RBM39: variants seen among roughly 807,000 people sequenced by gnomAD.
RBM39 encodes RNA binding motif protein 39.
RBM39 carries 12 observed loss-of-function variants against 79.6 expected under a neutral mutation model. The ratio of observed to expected loss-of-function variants is 0.15; its 90% confidence interval spans 0.10 to 0.24. The LOEUF is 0.24. Ranked by LOEUF, RBM39 falls within the 10% of genes least tolerant of loss-of-function variation. The probability of loss-of-function intolerance (pLI) is 1.00; values close to 1 mark genes in which losing one functional copy is unlikely to be tolerated. For missense variants in RBM39, 243 were observed against 653.4 expected (o/e 0.37, Z 6.85); for synonymous variants, 185 against 208.4 (o/e 0.89, Z 0.97).
intron 12 of RBM39, among the ~76,000 whole-genome samples, 196 bp from the exon 13 acceptor site, chr20:35,709,470 T>C (rs2036136072): frequency 6.6e-6 from 1 of 152,132 alleles, no homozygotes; most frequent in Non-Finnish European, 1.5e-5. Context: ...GGAAACTTAC[T>C]TTTCCCTCTC....
At chr20:35,715,655 C>G (rs570635429) in intron 10 of RBM39, among the ~76,000 whole-genome samples, 1 of 152,098 alleles carries the variant, frequency 6.6e-6, no homozygotes, top group Non-Finnish European at 1.5e-5. Flanking sequence ...GCTGGCTGAC[C>G]CCTATATGTA....
chr20:35,741,207 T>C lies in RBM39; in HGVS notation c.-13-320A>G, dbSNP rs6058313. On this transcript the variant is annotated intron_variant, in intron 1 of 16. Coordinates refer to ENST00000253363, the MANE Select transcript of RBM39 (RefSeq NM_184234.3). ...TGCCACCACGCCCGGCTAATTTTTG[T>C]ATTTTTGGTAGAGACGGGGTTTCAC... Among the ~76,000 whole-genome samples the C allele has an allele frequency of 1.6e-3, 244 of 151,364 alleles. 4 individuals are homozygous for C. Among genetic ancestry groups the C allele is most frequent in the African/African-American group, 5.5e-3 (229 of 41,266 alleles).
At chr20:35,712,288 G>GTTC (rs1041823872) in intron 12 of RBM39, among the ~76,000 whole-genome samples, 216 of 151,318 alleles carry the variant, frequency 1.4e-3, no homozygotes, top group African/African-American at 5.1e-3. Flanking sequence ...GGCCAACATG[G>GTTC]TGAAACCCCA....
At chr20:35,715,095 G>A (rs963025636) in intron 10 of RBM39, among the ~76,000 whole-genome samples, 1 of 152,158 alleles carries the variant, frequency 6.6e-6, no homozygotes, top group Non-Finnish European at 1.5e-5. Flanking sequence ...TTGAAATGTA[G>A]ATATAAGCTA....
At chr20:35,740,941 A>G in intron 1 of RBM39, 54 bp from the exon 2 acceptor site, 1 of 1,340,158 alleles carries the variant, frequency 7.5e-7, no homozygotes, top group Non-Finnish European at 1.1e-6. Flanking sequence ...ACAATGTGAA[A>G]CAAGTTTCAC....
chr20:35,732,123 GCTT>G lies in RBM39; in HGVS notation c.111_113del (p.Lys37_Ser38delinsAsn). The G allele has an allele frequency of 6.2e-7, 1 of 1,613,084 alleles. No individual in the cohort carries two copies. On this transcript the variant is annotated inframe_deletion, in exon 4 of 17. Coordinates refer to ENST00000253363, the MANE Select transcript of RBM39 (RefSeq NM_184234.3). ...GTTCATGACTACGACTTCTGCTCTT[GCTT>G]TTTTTCCTCCTGAGAAGAAAAAAAC...
chr20:35,727,047 G>A (rs1045909640), intron 6 of RBM39, among the ~76,000 whole-genome samples: 5 of 151,866 alleles, frequency 3.3e-5, no homozygotes, highest in African/African-American at 1.2e-4. Flanking sequence ...GGCTGGTCTC[G>A]ATATCCTGAC....
chr20:35,727,879 C>T lies in RBM39; in HGVS notation c.416+1433G>A, dbSNP rs571101029. The stretch of plus-strand genomic sequence containing the variant: ...GGCCAGGCTGGTCTTGAACTTCTGA[C>T]CTCAGGTGATCCGCCTGCCTCGGCC... On this transcript the variant is annotated intron_variant, in intron 6 of 16. Transcript: ENST00000253363. Among the ~76,000 whole-genome samples, 38 of 152,170 alleles carry T rather than the reference C, an allele frequency of 2.5e-4. No individual in the cohort carries two copies. In the Middle Eastern group the frequency reaches 0.01, roughly 41 times the overall value.
intron 9 of RBM39, among the ~76,000 whole-genome samples, chr20:35,719,835 T>C (rs1440639920): frequency 1.3e-5 from 2 of 152,166 alleles, no homozygotes; most frequent in African/African-American, 4.8e-5. Flanking sequence ...CTGGCTCTGT[T>C]ATCCAGGCGT....
intron 2 of RBM39, 77 bp from the exon 3 acceptor site, chr20:35,739,094 G>T: frequency 8.4e-7 from 1 of 1,185,330 alleles, no homozygotes; most frequent in Non-Finnish European, 1.2e-6. Flanking sequence ...AAGGGAACAG[G>T]AATAAGAAAA....
In RBM39 at chr20:35,707,211, GAA is replaced by G. The variant is rs2035852309; in HGVS notation, c.1226-12_1226-11del. On this transcript the variant is annotated splice_polypyrimidine_tract_variant and intron_variant, in intron 13 of 16. Transcript: ENST00000253363. ...GCAGCTAAAGCTGAAGCTAAAAAAA[GAA>G]AGAGAAAAATTAGTTTCATGGAAAA... 2 of 1,593,334 alleles carry G rather than the reference GAA, an allele frequency of 1.3e-6. No individual in the cohort carries two copies. The highest frequency in any genetic ancestry group is 1.7e-6 in the Non-Finnish European group (2 of 1,165,892).
chr20:35,728,303 C>T (rs932222894), intron 6 of RBM39, among the ~76,000 whole-genome samples: 7 of 152,124 alleles, frequency 4.6e-5, no homozygotes, highest in African/African-American at 1.7e-4. Context: ...GATATAACTG[C>T]TACGTTGCCA....
chr20:35,723,121 C>T (rs1428834317), intron 8 of RBM39, among the ~76,000 whole-genome samples: 1 of 151,556 alleles, frequency 6.6e-6, no homozygotes, highest in African/African-American at 2.4e-5. Flanking sequence ...TTGGTATAAC[C>T]GAACGTAGTT....
intron 4 of RBM39, among the ~76,000 whole-genome samples, chr20:35,729,777 G>A (rs1449144561): frequency 6.6e-6 from 1 of 150,656 alleles, no homozygotes; most frequent in Non-Finnish European, 1.5e-5. Context: ...TTCTGAAAAT[G>A]CACACACCCA....
intron 6 of RBM39, among the ~76,000 whole-genome samples, chr20:35,726,331 CTG>C (rs908679900): frequency 5.9e-5 from 9 of 151,366 alleles, no homozygotes; most frequent in African/African-American, 2.2e-4. Flanking sequence ...TGGGATTCCA[CTG>C]TGTTAGCCAG....
intron 11 of RBM39, chr20:35,713,317 CTTTTT>C (rs202093615): frequency 2.7e-6 from 1 of 371,630 alleles, no homozygotes; most frequent in Non-Finnish European, 4.9e-6. Flanking sequence ...GTGAAACTCT[CTTTTT>C]TTTTTGAGAT....
At chr20:35,731,438 G>C (rs2039355326) in intron 4 of RBM39, 1 of 154,178 alleles carries the variant, frequency 6.5e-6, no homozygotes, top group Non-Finnish European at 1.4e-5. Context: ...TTATCAATGA[G>C]CATACACAAC....
At chr20:35,740,939 A>T in intron 1 of RBM39, 52 bp from the exon 2 acceptor site, 1 of 1,395,694 alleles carries the variant, frequency 7.2e-7, no homozygotes, top group African/African-American at 1.4e-5. Flanking sequence ...TTACAATGTG[A>T]AACAAGTTTC....
rs991049121 is a variant in RBM39, at chr20:35,739,240, CATA to C, written c.52-226_52-224del. The C allele has an allele frequency of 3.7e-5, 21 of 561,346 alleles. No individual in the cohort carries two copies. The African/African-American group carries it at 3.8e-4, about 10-fold the overall frequency. The allele number at this position is 561,346 out of a possible 1,614,324, so 34.8% of individuals were successfully genotyped here. ...AAGATACAAAAATAAAAAAATTTTC[CATA>C]TTAACATGTTAAATTTTACTTTCTT... On this transcript the variant is annotated intron_variant, in intron 2 of 16. Transcript: ENST00000253363.
Sources: gnomAD v4.1 joint callset for allele counts (sites outside exome capture counted in the v4.1 genomes callset) on GRCh38, gnomAD v4.1.1 for gene constraint, MANE v1.5 for transcripts, NCBI Gene and HGNC (gene_info 2026-07-23, HGNC 2026-07-21) for gene names.